BBOF1: variants seen among roughly 807,000 people sequenced by gnomAD.
BBOF1 encodes the protein basal body-orientation factor 1.
In BBOF1, 62 loss-of-function variants were observed where a neutral mutation model predicts 68.0. The observed-to-expected ratio is 0.91, with a 90% confidence interval of 0.74 to 1.13. The LOEUF (loss-of-function observed/expected upper bound fraction) is 1.13, where lower values mean the gene tolerates loss of function less well. BBOF1 is among the 50% of genes most tolerant of loss of function. The pLI is 0.00. For synonymous variants in BBOF1, 208 were observed against 198.8 expected, an observed-to-expected ratio of 1.05 and a Z score of -0.39; for missense variants, 534 against 600.1, an observed-to-expected ratio of 0.89 and a Z score of 1.15.
chr14:74,082,225 A>G (rs2060675481), intron 12 of BBOF1, among the ~76,000 whole-genome samples: 1 of 152,080 alleles, frequency 6.6e-6, no homozygotes, highest in Non-Finnish European at 1.5e-5. Context: ...TTATCTCTGC[A>G]TGGGAGTGAT....
rs533738104 is a variant in BBOF1, at chr14:74,031,428, G to A, written c.351+2179G>A. 5.9e-5 allele frequency among the ~76,000 whole-genome samples: 9 copies of A among 152,128 alleles called. No homozygotes were observed. In the South Asian group the frequency reaches 1.7e-3, roughly 28 times the overall value. ...ACGCCTGGCATCATTCCCTTTTATA[G>A]CTGTGTGATGATTATTGTGTGGATA... On this transcript the variant is annotated intron_variant, in intron 3 of 11. Coordinates refer to ENST00000394009, the MANE Select transcript of BBOF1 (RefSeq NM_025057.3).
At chr14:74,068,938 G>A, downstream of BBOF1, 4 of 1,613,970 alleles carry the variant, frequency 2.5e-6, no homozygotes, top group Non-Finnish European at 2.5e-6. Context: ...ATCCCACAAA[G>A]CTGATTGCTT....
At chr14:74,060,473 C>T (rs1416261225) in intron 11 of BBOF1, 3 of 652,518 alleles carry the variant, frequency 4.6e-6, no homozygotes, top group Admixed American at 4.7e-5. Flanking sequence ...CATTGTTACA[C>T]TAGGCAGTTC....
chr14:74,039,450 C>T (rs533825694), intron 4 of BBOF1, among the ~76,000 whole-genome samples: 2 of 152,084 alleles, frequency 1.3e-5, no homozygotes, highest in Admixed American at 6.6e-5. Flanking sequence ...TTTTTTGAGA[C>T]GGAGTTTCAC....
downstream of BBOF1, chr14:74,067,261 AAG>A: frequency 8.4e-7 from 1 of 1,190,842 alleles, no homozygotes; most frequent in Non-Finnish European, 1.2e-6. Context: ...GTACAGTATA[AAG>A]AGAGGAAATG....
chr14:74,021,679 C>T (rs1474011211), intron 1 of BBOF1, among the ~76,000 whole-genome samples: 2 of 151,896 alleles, frequency 1.3e-5, no homozygotes, highest in Non-Finnish European at 2.9e-5. Flanking sequence ...TGTCCAAGAC[C>T]TAGCCCAAAA....
chr14:74,034,969 A>G (rs959694940), intron 4 of BBOF1, among the ~76,000 whole-genome samples: 1 of 152,082 alleles, frequency 6.6e-6, no homozygotes, highest in Non-Finnish European at 1.5e-5. Flanking sequence ...GCTCGTGCGT[A>G]TAGTCCCAGC....
At chr14:74,072,861 A>G (rs56314348) in intron 9 of BBOF1, among the ~76,000 whole-genome samples, 36,554 of 151,488 alleles carry the variant, frequency 0.24, 4,971 homozygotes, top group South Asian at 0.46. Context: ...ACACAGTGGT[A>G]TGATCTCGGC....
At chr14:74,057,027 G>A in intron 10 of BBOF1, 47 bp downstream of exon 10, 1 of 1,584,746 alleles carries the variant, frequency 6.3e-7, no homozygotes. Context: ...CAACACGATG[G>A]TTCTTGTGGG....
At position 74,073,890 on chromosome 14, in the gene BBOF1, C is replaced by T. The variant is rs1237690579; in HGVS notation, n.1380-4306C>T. On this transcript the variant is annotated intron_variant and non_coding_transcript_variant, in intron 9 of 12. Coordinates refer to the BBOF1 transcript ENST00000492026. ...CTGAGATCACGCCACTGCATTCCAGCCTGGGTGACAGAGTAAGACTCCATC... is the reference window on the plus strand; with the variant it reads ...CTGAGATCACGCCACTGCATTCCAGTCTGGGTGACAGAGTAAGACTCCATC... Among the ~76,000 whole-genome samples the T allele has an allele frequency of 4.1e-5, 6 of 147,840 alleles. No individual in the cohort carries two copies. In the East Asian group the frequency reaches 1.2e-3, roughly 30 times the overall value.
intron 9 of BBOF1, chr14:74,072,724 C>T (rs62005118): frequency 4.3e-5 from 52 of 1,199,734 alleles, no homozygotes; most frequent in Non-Finnish European, 5.6e-5. Context: ...AAGTTGATAA[C>T]GGAATCTTCT....
Position 74,065,337 on chromosome 14 carries a change from C to T in BBOF1, c.*638C>T. 6.2e-7 allele frequency: 1 copy of T among 1,614,046 alleles called. No individual in the cohort carries two copies. Among genetic ancestry groups the T allele is most frequent in the Non-Finnish European group, 8.5e-7 (1 of 1,179,998 alleles). ...CCACAAGAACTGGACCAAAAATCTCCTCTTTGTAACAGGTCATATTTGGCT... is the reference window on the plus strand; with the variant it reads ...CCACAAGAACTGGACCAAAAATCTCTTCTTTGTAACAGGTCATATTTGGCT... On this transcript the variant is annotated 3_prime_UTR_variant, in exon 12 of 12. Coordinates refer to ENST00000394009, the MANE Select transcript of BBOF1 (RefSeq NM_025057.3).
At chr14:74,067,362 A>G, downstream of BBOF1, 1 of 1,612,344 alleles carries the variant, frequency 6.2e-7, no homozygotes, top group South Asian at 1.1e-5. Flanking sequence ...TAAGGGGGCA[A>G]GTCAGGTGAT....
intron 2 of BBOF1, among the ~76,000 whole-genome samples, chr14:74,027,624 G>T (rs1179581721): frequency 1.3e-5 from 2 of 151,926 alleles, no homozygotes; most frequent in East Asian, 3.9e-4. Context: ...TAACTTTTAG[G>T]TGGAGAAAGT....
intron 10 of BBOF1, among the ~76,000 whole-genome samples, chr14:74,078,772 GC>G: frequency 6.6e-6 from 1 of 151,460 alleles, no homozygotes; most frequent in African/African-American, 2.4e-5. Flanking sequence ...CAAGTGATCT[GC>G]CTGCCTCAGC....
At position 74,064,869 on chromosome 14, in the gene BBOF1, C is replaced by A. The variant is rs368853422; in HGVS notation, c.*170C>A. 1.9e-6 allele frequency: 3 copies of A among 1,613,884 alleles called. No individual in the cohort carries two copies. Among genetic ancestry groups the A allele is most frequent in the Non-Finnish European group, 2.5e-6 (3 of 1,180,024 alleles). ...TCTCCCCTGAAGGAGGATCGAGAGCCGGTGAATGAGAACATTGGCAAAGGC... is the reference window on the plus strand; with the variant it reads ...TCTCCCCTGAAGGAGGATCGAGAGCAGGTGAATGAGAACATTGGCAAAGGC... On this transcript the variant is annotated 3_prime_UTR_variant, in exon 12 of 12. Coordinates refer to ENST00000394009, the MANE Select transcript of BBOF1 (RefSeq NM_025057.3).
chr14:74,053,731 TGAGA>T (rs1215510621), intron 8 of BBOF1, among the ~76,000 whole-genome samples: 2 of 151,538 alleles, frequency 1.3e-5, no homozygotes, highest in East Asian at 2.0e-4. Flanking sequence ...TTTTTTTTTT[TGAGA>T]GAGTCTCACT....
chr14:74,030,314 G>A (rs1006911614), intron 3 of BBOF1, among the ~76,000 whole-genome samples: 2 of 151,858 alleles, frequency 1.3e-5, no homozygotes, highest in Non-Finnish European at 2.9e-5. Flanking sequence ...TCAGCCTCCC[G>A]AGTAGCTAAG....
In BBOF1 at chr14:74,029,199, C is replaced by A; in HGVS notation, c.301C>A (p.Gln101Lys). The change falls in exon 3 of 12, where the codon CAG becomes AAG. Residue 101 changes from glutamine to lysine, a missense_variant. By Grantham distance (53) the Gln-to-Lys change is moderately conservative (BLOSUM62 1). Transcript: ENST00000394009. ...TTTTCAACAGATTGAAAAACTGAAA[C>A]AGCAATTAAATGAAACAAAGGAAAA... is the stretch of plus-strand genomic sequence containing the variant. ...EKDNMIEKLK[Q>K]QLNETKEKAQ... 1 of 1,559,698 alleles carries A rather than the reference C, an allele frequency of 6.4e-7. No individual in the cohort carries two copies. Among genetic ancestry groups the A allele is most frequent in the Non-Finnish European group, 8.7e-7 (1 of 1,149,706 alleles).
Sources: gnomAD v4.1 joint callset for allele counts (sites outside exome capture counted in the v4.1 genomes callset) on GRCh38, gnomAD v4.1.1 for gene constraint, MANE v1.5 for transcripts, NCBI Gene and HGNC (gene_info 2026-07-23, HGNC 2026-07-21) for gene names.